Variants in RYR2 observed in about 807,000 individuals in gnomAD.
RYR2 encodes the protein cardiac muscle ryanodine receptor-calcium release channel.
Under a neutral mutation model 601.1 loss-of-function variants are expected in RYR2, and 227 were observed. That is an observed-to-expected ratio of 0.38 (90% confidence interval 0.34 to 0.42). RYR2 has a LOEUF of 0.42. Among genes scored for constraint, RYR2 ranks in the 10% least tolerant of loss-of-function variants. The pLI is 1.00. For missense variants in RYR2, 4,646 were observed against 6,156.5 expected, an observed-to-expected ratio of 0.75 and a Z score of 8.21; for synonymous variants, 2,223 against 2,175.1, an observed-to-expected ratio of 1.02 and a Z score of -0.61.
intron 4 of RYR2, among the ~76,000 whole-genome samples, chr1:237,358,567 G>A (rs1237843060): frequency 6.6e-6 from 1 of 151,978 alleles, no homozygotes; most frequent in Non-Finnish European, 1.5e-5. Context: ...AGCTTCTCTT[G>A]CTGCAGACAA....
At chr1:237,123,407 C>A (rs575742374) in intron 1 of RYR2, among the ~76,000 whole-genome samples, 1 of 152,060 alleles carries the variant, frequency 6.6e-6, no homozygotes, top group South Asian at 2.1e-4. Flanking sequence ...GGCAACATAG[C>A]AAGACCTAGT....
intron 1 of RYR2, among the ~76,000 whole-genome samples, chr1:237,156,217 C>A (rs1675313664): frequency 6.6e-6 from 1 of 152,214 alleles, no homozygotes; most frequent in Admixed American, 6.5e-5. Flanking sequence ...AAAATCTATT[C>A]TCAGAAAGTT....
intron 25 of RYR2, among the ~76,000 whole-genome samples, chr1:237,535,672 T>C (rs1410065988): frequency 1.3e-5 from 2 of 152,170 alleles, no homozygotes; most frequent in Non-Finnish European, 2.9e-5. Context: ...ATTGCTATTA[T>C]GAGCATAGAT....
intron 17 of RYR2, among the ~76,000 whole-genome samples, chr1:237,489,493 C>G (rs1392722606): frequency 2.0e-5 from 3 of 152,130 alleles, no homozygotes; most frequent in Non-Finnish European, 4.4e-5. Flanking sequence ...CCCATCTCTA[C>G]TAAAAATACA....
intron 29 of RYR2, 55 bp from the exon 30 acceptor site, chr1:237,589,738 A>T: frequency 6.6e-7 from 1 of 1,524,320 alleles, no homozygotes; most frequent in Non-Finnish European, 9.0e-7. Context: ...ATAATTCTAT[A>T]CTAACAGGAT....
In RYR2 at chr1:237,445,514, A is replaced by T. The variant is rs777771262; in HGVS notation, c.1284A>T (p.Arg428Ser). 7 of 1,613,308 alleles carry T rather than the reference A, an allele frequency of 4.3e-6. No homozygotes were observed. Among genetic ancestry groups the T allele is most frequent in the Non-Finnish European group, 5.9e-6 (7 of 1,179,566 alleles). Residue 428 changes from arginine to serine, a missense_variant, in exon 14 of 105, where the codon AGA becomes AGT. Arg to Ser is a moderately radical substitution (Grantham distance 110, BLOSUM62 -1). This residue lies in a region of RYR2 where 1,807 missense variants were observed against 2,088.1 expected (regional missense o/e 0.87). Coordinates refer to ENST00000366574, the MANE Select transcript of RYR2 (RefSeq NM_001035.3). The part of the protein sequence containing the change: ...VIRSTVFLFN[R>S]FIRGLDALSK... ...GGAGCACAGTCTTCCTTTTCAATAG[A>T]TTTATAAGGTACTTTTTCTTTTGTA...
intron 101 of RYR2, among the ~76,000 whole-genome samples, chr1:237,826,295 A>T (rs954015381): frequency 6.6e-6 from 1 of 152,164 alleles, no homozygotes; most frequent in Non-Finnish European, 1.5e-5. Context: ...ACTAGATTTT[A>T]AAAAGTGCCA....
intron 1 of RYR2, among the ~76,000 whole-genome samples, chr1:237,194,169 C>T (rs1276646543): frequency 2.0e-5 from 3 of 152,158 alleles, no homozygotes; most frequent in Non-Finnish European, 4.4e-5. Flanking sequence ...CAGAGTACAG[C>T]AAGGAACTCT....
At chr1:237,326,845 T>A (rs753042368) in intron 2 of RYR2, among the ~76,000 whole-genome samples, 3 of 152,224 alleles carry the variant, frequency 2.0e-5, no homozygotes, top group Non-Finnish European at 4.4e-5. Flanking sequence ...GTCATTTTGG[T>A]TCGGGGCCAT....
intron 12 of RYR2, among the ~76,000 whole-genome samples, chr1:237,432,684 GA>G (rs1706949134): frequency 6.6e-6 from 1 of 152,118 alleles, no homozygotes. Context: ...AACAATGCCT[GA>G]CATCCAAGAC....
intron 3 of RYR2, among the ~76,000 whole-genome samples, chr1:237,344,848 C>T (rs1231016502): frequency 6.6e-6 from 1 of 152,050 alleles, no homozygotes; most frequent in Non-Finnish European, 1.5e-5. Flanking sequence ...CGCTCTGTCA[C>T]TGGGCTGGAG....
intron 1 of RYR2, among the ~76,000 whole-genome samples, chr1:237,246,243 A>T (rs1250789387): frequency 6.6e-6 from 1 of 151,562 alleles, no homozygotes; most frequent in African/African-American, 2.4e-5. Context: ...TTACAGGTGC[A>T]TGCCACCAAG....
chr1:237,595,441 C>G, intron 33 of RYR2, 57 bp from the exon 34 acceptor site: 1 of 1,584,862 alleles, frequency 6.3e-7, no homozygotes, highest in Non-Finnish European at 8.6e-7. Flanking sequence ...CAAGATATAC[C>G]TGCTTTCTCT....
intron 1 of RYR2, among the ~76,000 whole-genome samples, chr1:237,055,400 T>C (rs1470455552): frequency 6.6e-6 from 1 of 152,026 alleles, no homozygotes; most frequent in Non-Finnish European, 1.5e-5. Context: ...AATTGGGATG[T>C]AGAGAGATCA....
At chr1:237,527,529 C>T (rs1167960635) in intron 24 of RYR2, among the ~76,000 whole-genome samples, 2 of 152,146 alleles carry the variant, frequency 1.3e-5, no homozygotes, top group Non-Finnish European at 2.9e-5. Context: ...TCTTAATACT[C>T]CAGTCAACCC....
At chr1:237,685,515 A>C (rs1033994410) in intron 62 of RYR2, among the ~76,000 whole-genome samples, 1 of 152,244 alleles carries the variant, frequency 6.6e-6, no homozygotes, top group African/African-American at 2.4e-5. Context: ...AGCATTATAA[A>C]TTCTGGATCA....
At chr1:237,209,412 G>A (rs12046714) in intron 1 of RYR2, among the ~76,000 whole-genome samples, 52,479 of 151,234 alleles carry the variant, frequency 0.35, 9,575 homozygotes, top group East Asian at 0.6. Context: ...AATTGCATAT[G>A]ACATATAGAT....
chr1:237,311,584 A>T (rs571556437), intron 2 of RYR2, among the ~76,000 whole-genome samples: 2 of 151,376 alleles, frequency 1.3e-5, no homozygotes, highest in South Asian at 4.2e-4. Flanking sequence ...GGCTCCAGTG[A>T]TCCTTCCACT....
At chr1:237,673,384 T>C (rs1685125604) in intron 58 of RYR2, among the ~76,000 whole-genome samples, 1 of 152,172 alleles carries the variant, frequency 6.6e-6, no homozygotes, top group African/African-American at 2.4e-5. Flanking sequence ...GAAAGGTTTT[T>C]CTCCCTATTA....
Sources: allele counts gnomAD v4.1 joint callset (sites outside exome capture counted in the v4.1 genomes callset), GRCh38; gene constraint gnomAD v4.1.1; regional missense constraint gnomAD v4.1.1; transcripts MANE v1.5; gene names NCBI Gene and HGNC (gene_info 2026-07-23, HGNC 2026-07-21).